Variants in RBFOX1 observed in about 807,000 individuals in gnomAD.
RBFOX1 encodes RNA binding protein fox-1 homolog 1.
Under a neutral mutation model 57.7 loss-of-function variants are expected in RBFOX1, and 8 were observed. That is an observed-to-expected ratio of 0.14 (90% CI 0.08 to 0.25). The LOEUF is 0.25. Ranked by LOEUF, RBFOX1 falls within the 10% of genes least tolerant of loss-of-function variation. The probability of loss-of-function intolerance (pLI) is 1.00; values close to 1 mark genes in which losing one functional copy is unlikely to be tolerated. For synonymous variants in RBFOX1, 326 were observed against 222.4 expected, an observed-to-expected ratio of 1.47 and a Z score of -4.15; for missense variants, 611 against 548.5, an observed-to-expected ratio of 1.11 and a Z score of -1.14.
At chr16:6,440,415 A>G (rs1449374044) in intron 2 of RBFOX1, among the ~76,000 whole-genome samples, 1 of 152,152 alleles carries the variant, frequency 6.6e-6, no homozygotes, top group South Asian at 2.1e-4. Flanking sequence ...GTCCAGGGGA[A>G]TCTGGGTACC....
intron 4 of RBFOX1, among the ~76,000 whole-genome samples, chr16:7,123,099 G>A (rs921029898): frequency 2.6e-5 from 4 of 152,222 alleles, no homozygotes; most frequent in Non-Finnish European, 4.4e-5. Context: ...TGGGGTGATG[G>A]AACTCTTCTG....
At chr16:5,670,137 C>G (rs1457018816) in intron 3 of RBFOX1, among the ~76,000 whole-genome samples, 1 of 151,496 alleles carries the variant, frequency 6.6e-6, no homozygotes, top group Non-Finnish European at 1.5e-5. Context: ...CAGCCAAATT[C>G]ATAGCGACAG....
At chr16:6,713,585 G>A (rs2064157734) in intron 3 of RBFOX1, among the ~76,000 whole-genome samples, 1 of 152,140 alleles carries the variant, frequency 6.6e-6, no homozygotes, top group Middle Eastern at 3.4e-3. Flanking sequence ...ATTTTCAAGT[G>A]TCCCTTTGTG....
At chr16:6,407,417 A>G (rs970837419) in intron 2 of RBFOX1, among the ~76,000 whole-genome samples, 24 of 152,060 alleles carry the variant, frequency 1.6e-4, no homozygotes, top group African/African-American at 5.5e-4. Flanking sequence ...GTGTGTATCT[A>G]TGCTTATATA....
chr16:6,954,508 A>T (rs754479177), intron 3 of RBFOX1, among the ~76,000 whole-genome samples: 8 of 152,180 alleles, frequency 5.3e-5, no homozygotes, highest in Non-Finnish European at 8.8e-5. Flanking sequence ...TGTTTTAATA[A>T]AAAGGGGGTA....
intron 3 of RBFOX1, among the ~76,000 whole-genome samples, chr16:7,049,018 T>C (rs1299521869): frequency 6.6e-6 from 1 of 152,162 alleles, no homozygotes; most frequent in African/African-American, 2.4e-5. Context: ...AGTTCAATTC[T>C]CAAAGCTTAT....
Position 7,121,437 on chromosome 16 carries a change from T to C in RBFOX1, c.27+69339T>C, listed in dbSNP as rs758258029. Among the ~76,000 whole-genome samples, 50 of 152,092 alleles carry C rather than the reference T, an allele frequency of 3.3e-4. 1 individual carries two copies. Among genetic ancestry groups the C allele is most frequent in the Non-Finnish European group, 5.6e-4 (38 of 67,978 alleles). ...TATCTATATACTAGGAAAGAACATT[T>C]GGAAGTCAAAACTTAAAAACAAACC... is the stretch of plus-strand genomic sequence containing the variant. On this transcript the variant is annotated intron_variant, in intron 4 of 15. Transcript: ENST00000550418.
chr16:6,237,086 T>A (rs898144190), intron 1 of RBFOX1, among the ~76,000 whole-genome samples: 1 of 152,224 alleles, frequency 6.6e-6, no homozygotes, highest in Non-Finnish European at 1.5e-5. Context: ...AGTCTTCGGG[T>A]TTGCTTTTGT....
At chr16:6,571,593 C>G (rs1458880875) in intron 2 of RBFOX1, among the ~76,000 whole-genome samples, 1 of 152,030 alleles carries the variant, frequency 6.6e-6, no homozygotes, top group Non-Finnish European at 1.5e-5. Context: ...CTGTTGCTTG[C>G]CTGTTTTCTA....
intron 4 of RBFOX1, among the ~76,000 whole-genome samples, chr16:7,098,289 C>T (rs1187016067): frequency 1.3e-5 from 2 of 152,196 alleles, no homozygotes; most frequent in African/African-American, 4.8e-5. Context: ...CCTCTCTCAG[C>T]CACCAGAGTA....
chr16:5,951,995 A>G (rs578081993), intron 4 of RBFOX1, among the ~76,000 whole-genome samples: 185 of 151,314 alleles, frequency 1.2e-3, no homozygotes, highest in African/African-American at 4.2e-3. Flanking sequence ...ATATATATAT[A>G]TGTGTGTGTG....
chr16:7,524,273 A>T (rs1211262744), intron 5 of RBFOX1, among the ~76,000 whole-genome samples: 6 of 152,198 alleles, frequency 3.9e-5, no homozygotes, highest in Non-Finnish European at 8.8e-5. Context: ...AGGAGGATGC[A>T]CCCAGAGCTC....
chr16:7,073,102 C>G (rs909697672), intron 4 of RBFOX1, among the ~76,000 whole-genome samples: 11 of 152,278 alleles, frequency 7.2e-5, no homozygotes, highest in East Asian at 1.9e-4. Context: ...CCAGAAAGAT[C>G]AGACTTTAGG....
chr16:6,748,247 C>A (rs1288904205), intron 3 of RBFOX1, among the ~76,000 whole-genome samples: 3 of 152,018 alleles, frequency 2.0e-5, no homozygotes, highest in Admixed American at 6.6e-5. Context: ...AGTATACAGA[C>A]CCAGCCTTCT....
At chr16:6,770,854 A>T (rs937122387) in intron 3 of RBFOX1, among the ~76,000 whole-genome samples, 1 of 152,180 alleles carries the variant, frequency 6.6e-6, no homozygotes, top group South Asian at 2.1e-4. Flanking sequence ...GTAGGGCTGA[A>T]GTCTCCCATG....
chr16:7,402,000 T>C (rs1202055261), intron 4 of RBFOX1, among the ~76,000 whole-genome samples: 1 of 152,166 alleles, frequency 6.6e-6, no homozygotes, highest in Non-Finnish European at 1.5e-5. Flanking sequence ...TTCTTTTCCT[T>C]CCCTTTAAAA....
chr16:5,549,225 C>G (rs544843379), intron 2 of RBFOX1, among the ~76,000 whole-genome samples: 7 of 152,268 alleles, frequency 4.6e-5, no homozygotes, highest in African/African-American at 1.7e-4. Context: ...GAAATGCGGT[C>G]AGCATCTGGG....
Position 7,547,681 on chromosome 16 carries a change from A to G in RBFOX1, c.270+29292A>G, listed in dbSNP as rs1427542077. On this transcript the variant is annotated intron_variant, in intron 5 of 15. Coordinates refer to ENST00000550418, the MANE Select transcript of RBFOX1 (RefSeq NM_018723.4). ...GTGCATTTGCAAATTAGACTTTTAA[A>G]TATTTTATTTTCGTGTTTTTAAGTT... is the stretch of plus-strand genomic sequence containing the variant. Among the ~76,000 whole-genome samples the G allele has an allele frequency of 2.6e-5, 4 of 152,218 alleles. No homozygotes were observed. In the East Asian group the frequency reaches 7.7e-4, roughly 29 times the overall value.
intron 3 of RBFOX1, among the ~76,000 whole-genome samples, chr16:6,981,441 A>T (rs1178438139): frequency 6.6e-6 from 1 of 152,164 alleles, no homozygotes; most frequent in African/African-American, 2.4e-5. Flanking sequence ...TTACTTTTGG[A>T]TGCATAGTAT....
Sources: gnomAD v4.1 joint callset for allele counts (sites outside exome capture counted in the v4.1 genomes callset) on GRCh38, gnomAD v4.1.1 for gene constraint, MANE v1.5 for transcripts, NCBI Gene and HGNC (gene_info 2026-07-23, HGNC 2026-07-21) for gene names.